Variants in EFCAB7 observed in about 807,000 individuals in gnomAD.
EFCAB7 encodes EF-hand calcium-binding domain-containing protein 7.
In EFCAB7, 66 loss-of-function variants were observed where a neutral mutation model predicts 77.1. The observed-to-expected ratio is 0.86, with a 90% CI of 0.70 to 1.05. The LOEUF (loss-of-function observed/expected upper bound fraction) is 1.05. Ranked by LOEUF, EFCAB7 falls within the 50% of genes least tolerant of loss-of-function variation. EFCAB7 has a pLI of 0.00. For missense variants in EFCAB7, 638 were observed against 730.5 expected (o/e 0.87, Z 1.46); for synonymous variants, 225 against 243.3 (o/e 0.92, Z 0.70).
At chr1:63,546,985 A>G (rs1646906359) in intron 7 of EFCAB7, 1 of 152,140 alleles carries the variant, frequency 6.6e-6, no homozygotes, top group Non-Finnish European at 1.5e-5. Flanking sequence ...GTTCTAAATC[A>G]ATATTTATTT....
downstream of EFCAB7, among the ~76,000 whole-genome samples, chr1:63,575,203 T>G (rs17125139): frequency 0.25 from 38,653 of 151,888 alleles, 6,550 homozygotes; most frequent in African/African-American, 0.49. Context: ...AAATTTAAAG[T>G]TTAAGTATCA....
intron 8 of EFCAB7, chr1:63,555,056 G>T (rs948614683): frequency 5.7e-6 from 1 of 174,732 alleles, no homozygotes; most frequent in African/African-American, 2.4e-5. Flanking sequence ...TTGCATCACA[G>T]ATATTTTTGA....
the EFCAB7 span, among the ~76,000 whole-genome samples, chr1:63,581,703 A>G: frequency 6.6e-6 from 1 of 152,188 alleles, no homozygotes; most frequent in Non-Finnish European, 1.5e-5. Context: ...TAAATTGGAA[A>G]ATTTTTTGGA....
chr1:63,547,936 A>T (rs1646918928), intron 7 of EFCAB7: 1 of 152,292 alleles, frequency 6.6e-6, no homozygotes, highest in African/African-American at 2.4e-5. Flanking sequence ...ACAGAAAGTC[A>T]CAAGGCAAGT....
chr1:63,577,062 G>A (rs550173966), downstream of EFCAB7, among the ~76,000 whole-genome samples: 115 of 149,528 alleles, frequency 7.7e-4, no homozygotes, highest in African/African-American at 2.8e-3. Context: ...CAGGAGAATC[G>A]TTTGAACCCA....
At chr1:63,550,672 A>C (rs1017246918) in intron 7 of EFCAB7, 2 of 151,932 alleles carry the variant, frequency 1.3e-5, no homozygotes, top group East Asian at 3.9e-4. Flanking sequence ...AAGGATACGC[A>C]GGAGAAAGCA....
At chr1:63,584,925 G>A in the EFCAB7 span, among the ~76,000 whole-genome samples, 1 of 152,146 alleles carries the variant, frequency 6.6e-6, no homozygotes, top group Admixed American at 6.5e-5. Context: ...ACTGTACATT[G>A]TTGAGCATTT....
chr1:63,548,912 A>C (rs1181832565), intron 7 of EFCAB7: 1 of 154,938 alleles, frequency 6.5e-6, no homozygotes, highest in East Asian at 1.9e-4. Context: ...AGTAGGTAGA[A>C]GGCAGGGTTG....
intron 6 of EFCAB7, among the ~76,000 whole-genome samples, chr1:63,537,876 TTC>T (rs1553170564): frequency 6.6e-6 from 1 of 152,176 alleles, no homozygotes; most frequent in Non-Finnish European, 1.5e-5. Flanking sequence ...TGCTTAATAA[TTC>T]TTTCTCACTG....
intron 11 of EFCAB7, among the ~76,000 whole-genome samples, chr1:63,565,594 A>G (rs1306438282): frequency 3.3e-5 from 5 of 152,196 alleles, no homozygotes; most frequent in Non-Finnish European, 7.3e-5. Flanking sequence ...TAAACAGACA[A>G]CCTACAGAAT....
chr1:63,549,564 G>C, intron 7 of EFCAB7: 1 of 441,376 alleles, frequency 2.3e-6, no homozygotes. Context: ...CTATCAAAAA[G>C]GAAAAAAAAA....
chr1:63,563,176 A>G (rs1647129555), intron 11 of EFCAB7, among the ~76,000 whole-genome samples: 1 of 152,220 alleles, frequency 6.6e-6, no homozygotes, highest in Admixed American at 6.5e-5. Context: ...ACTTTTTACC[A>G]CAGTTACTGA....
the EFCAB7 span, among the ~76,000 whole-genome samples, chr1:63,578,763 A>T: frequency 6.6e-6 from 1 of 151,658 alleles, no homozygotes; most frequent in Non-Finnish European, 1.5e-5. Flanking sequence ...GATCAATCAT[A>T]TATAAATTGA....
chr1:63,548,329 TGAG>T (rs1646923908), intron 7 of EFCAB7: 2 of 152,180 alleles, frequency 1.3e-5, no homozygotes, highest in Non-Finnish European at 2.9e-5. Flanking sequence ...ATCAGAGAAA[TGAG>T]GTTTCCCCCT....
intron 8 of EFCAB7, among the ~76,000 whole-genome samples, chr1:63,554,345 G>GT (rs894299137): frequency 1.4e-3 from 206 of 152,096 alleles, no homozygotes; most frequent in African/African-American, 3.7e-3. Flanking sequence ...TCTTTCTTTT[G>GT]TTTTTTTGTT....
At chr1:63,575,373 ATATAT>A (rs560881230), downstream of EFCAB7, among the ~76,000 whole-genome samples, 229 of 151,928 alleles carry the variant, frequency 1.5e-3, 1 homozygote, top group African/African-American at 5.3e-3. Flanking sequence ...CAGAAACTTA[ATATAT>A]TATATACTAC....
chr1:63,558,403 C>T (rs1038131203), intron 10 of EFCAB7, among the ~76,000 whole-genome samples: 1 of 152,128 alleles, frequency 6.6e-6, no homozygotes, highest in African/African-American at 2.4e-5. Context: ...TTCTACACAC[C>T]AACTCTATGA....
At chr1:63,536,006 C>A (rs1316277499) in intron 6 of EFCAB7, among the ~76,000 whole-genome samples, 1 of 151,932 alleles carries the variant, frequency 6.6e-6, no homozygotes, top group African/African-American at 2.4e-5. Flanking sequence ...AGAAAAATGC[C>A]AAAATTAGTC....
chr1:63,575,466 T>A (rs1647385337), downstream of EFCAB7, among the ~76,000 whole-genome samples: 2 of 152,168 alleles, frequency 1.3e-5, no homozygotes, highest in Non-Finnish European at 2.9e-5. Context: ...CATATTATTT[T>A]ATTTATTAGA....
Sources: allele counts gnomAD v4.1 joint callset (sites outside exome capture counted in the v4.1 genomes callset), GRCh38; gene constraint gnomAD v4.1.1; transcripts MANE v1.5; gene names NCBI Gene and HGNC (gene_info 2026-07-23, HGNC 2026-07-21).